Variants in NUP58 observed in about 807,000 individuals in gnomAD.
NUP58 encodes the protein nucleoporin p58/p45.
NUP58 carries 17 observed loss-of-function variants against 70.1 expected under a neutral mutation model. The ratio of observed to expected loss-of-function variants is 0.24; its 90% CI spans 0.17 to 0.36. The LOEUF is 0.36. Among genes scored for constraint, NUP58 ranks in the 10% least tolerant of loss-of-function variants. NUP58 has a pLI of 1.00. For missense variants in NUP58, 644 were observed against 701.5 expected (o/e 0.92, Z 0.93); for synonymous variants, 275 against 257.6 (o/e 1.07, Z -0.65).
intron 12 of NUP58, 80 bp from the exon 13 acceptor site, chr13:25,331,277 A>G (rs989430157): frequency 2.3e-6 from 3 of 1,312,796 alleles, no homozygotes; most frequent in Non-Finnish European, 3.3e-6. Context: ...GTCTTTGGTA[A>G]TTTATGGTTA....
At chr13:25,332,575 C>A in intron 13 of NUP58, 1 of 985,354 alleles carries the variant, frequency 1.0e-6, no homozygotes, top group Non-Finnish European at 1.2e-6. Context: ...ATTCAAGCTA[C>A]CTATACTAGG....
At chr13:25,333,500 A>C (rs2031679950) in intron 13 of NUP58, 1 of 985,296 alleles carries the variant, frequency 1.0e-6, no homozygotes, top group South Asian at 4.7e-5. Context: ...ATTAACCTAA[A>C]CAACCTTACA....
At chr13:25,328,153 C>G (rs900524737) in intron 12 of NUP58, among the ~76,000 whole-genome samples, 5 of 149,720 alleles carry the variant, frequency 3.3e-5, no homozygotes, top group African/African-American at 1.2e-4. Context: ...GAGCCGAGAT[C>G]ACACCACTGC....
chr13:25,306,125 G>C (rs1288836782), intron 1 of NUP58, among the ~76,000 whole-genome samples: 1 of 152,082 alleles, frequency 6.6e-6, no homozygotes, highest in Non-Finnish European at 1.5e-5. Context: ...AATTCTGCTG[G>C]CCGGGTGCGG....
In NUP58 at chr13:25,306,143, C is replaced by T. The variant is rs552001072; in HGVS notation, c.108-1663C>T. 3.9e-5 allele frequency among the ~76,000 whole-genome samples: 6 copies of T among 152,164 alleles called. No individual in the cohort carries two copies. The South Asian group carries it at 1.2e-3, about 32-fold the overall frequency. Reference sequence around the variant, plus strand: ...TCTGCTGGCCGGGTGCGGTGGCTCACGCCTGTAATCCCAGCACTTTGGGAG... The same window carrying T: ...TCTGCTGGCCGGGTGCGGTGGCTCATGCCTGTAATCCCAGCACTTTGGGAG... On this transcript the variant is annotated intron_variant, in intron 1 of 15. Coordinates refer to ENST00000381736, the MANE Select transcript of NUP58 (RefSeq NM_014089.4).
At chr13:25,329,282 C>A (rs1029100690) in intron 12 of NUP58, among the ~76,000 whole-genome samples, 6 of 152,108 alleles carry the variant, frequency 3.9e-5, no homozygotes, top group African/African-American at 1.4e-4. Flanking sequence ...TTATCAAAAC[C>A]CTGCTGAACT....
At chr13:25,323,568 T>C (rs970933024) in intron 9 of NUP58, among the ~76,000 whole-genome samples, 1 of 152,280 alleles carries the variant, frequency 6.6e-6, no homozygotes, top group African/African-American at 2.4e-5. Context: ...CTCTATAAAG[T>C]ATCAATCTTA....
At chr13:25,315,035 T>G (rs2030861209) in intron 5 of NUP58, among the ~76,000 whole-genome samples, 1 of 152,338 alleles carries the variant, frequency 6.6e-6, no homozygotes, top group Admixed American at 6.5e-5. Context: ...TGAAACTGCT[T>G]TTGTAGAGAG....
intron 12 of NUP58, among the ~76,000 whole-genome samples, chr13:25,329,898 T>C (rs1243972291): frequency 1.3e-5 from 2 of 152,152 alleles, no homozygotes; most frequent in African/African-American, 4.8e-5. Context: ...TCATGACTCA[T>C]TGCAGCCTCA....
intron 10 of NUP58, 118 bp from the exon 11 acceptor site, chr13:25,326,798 C>T: frequency 6.0e-6 from 3 of 503,278 alleles, no homozygotes; most frequent in South Asian, 4.0e-5. Context: ...CCTTCCTTTC[C>T]TTGGATAACC....
intron 7 of NUP58, 106 bp from the exon 8 acceptor site, chr13:25,320,424 T>C: frequency 4.3e-6 from 3 of 697,136 alleles, no homozygotes; most frequent in African/African-American, 1.9e-5. Context: ...TACGTGCTTT[T>C]TTGCTATATT....
At chr13:25,334,893 A>G (rs992607905) in intron 13 of NUP58, 2 of 984,874 alleles carry the variant, frequency 2.0e-6, no homozygotes, top group African/African-American at 3.5e-5. Context: ...TATCACTACA[A>G]ACTTAATTTT....
chr13:25,347,033 A>T (rs2032058629), downstream of NUP58, among the ~76,000 whole-genome samples: 1 of 152,122 alleles, frequency 6.6e-6, no homozygotes, highest in Non-Finnish European at 1.5e-5. Flanking sequence ...TGGGGATGGG[A>T]TCCAAGTTTA....
At chr13:25,310,904 G>A (rs572584833) in intron 3 of NUP58, among the ~76,000 whole-genome samples, 2 of 152,274 alleles carry the variant, frequency 1.3e-5, no homozygotes, top group South Asian at 4.1e-4. Context: ...GAATATTGTG[G>A]CACTGCTGGT....
chr13:25,321,160 G>A (rs2031168489), intron 9 of NUP58, 67 bp downstream of exon 9: 1 of 1,375,088 alleles, frequency 7.3e-7, no homozygotes, highest in East Asian at 2.4e-5. Context: ...ATGGAAATAA[G>A]GTGTTTTGTT....
At chr13:25,346,044 T>C (rs910260046), downstream of NUP58, among the ~76,000 whole-genome samples, 1 of 152,236 alleles carries the variant, frequency 6.6e-6, no homozygotes, top group Non-Finnish European at 1.5e-5. Context: ...ACCACCCCTC[T>C]TTTAATCCCC....
intron 1 of NUP58, among the ~76,000 whole-genome samples, chr13:25,305,904 T>G (rs949157120): frequency 9.2e-5 from 14 of 152,158 alleles, no homozygotes; most frequent in African/African-American, 3.4e-4. Context: ...CTCTTCTGGC[T>G]TGGAGTACAG....
chr13:25,347,910 C>T lies in NUP58; in HGVS notation n.322-1652C>T, dbSNP rs180883374. Among the ~76,000 whole-genome samples, 1,116 of 151,546 alleles carry T rather than the reference C, an allele frequency of 7.4e-3. 18 individuals are homozygous for T. The highest frequency in any genetic ancestry group is 0.026 in the African/African-American group (1,064 of 41,340). ...CCTTCTGGTGTCGAGAATTTCTACT[C>T]CTCTATACCATGTTTTACTTGCAGT... is the stretch of plus-strand genomic sequence containing the variant. On this transcript the variant is annotated intron_variant and non_coding_transcript_variant, in intron 3 of 3. Coordinates refer to the NUP58 transcript ENST00000477876.
rs562132125 is a variant in NUP58, at chr13:25,305,130, G to GTT, written c.108-2646_108-2645dup. On this transcript the variant is annotated intron_variant, in intron 1 of 15. Transcript: ENST00000381736. The stretch of plus-strand genomic sequence containing the variant: ...GACTAAATGTTTAAAGATCTGTGGG[G>GTT]TTTTTTTTTTTTTTTTTTTTTTTTT... 4.8e-3 allele frequency among the ~76,000 whole-genome samples: 282 copies of GTT among 58,534 alleles called. 19 individuals are homozygous for GTT. The highest frequency in any genetic ancestry group is 0.014 in the African/African-American group (263 of 19,476). The allele number at this position is 58,534 out of a possible 152,430, so 38.4% of individuals were successfully genotyped here.
Sources: gnomAD v4.1 joint callset for allele counts (sites outside exome capture counted in the v4.1 genomes callset) on GRCh38, gnomAD v4.1.1 for gene constraint, MANE v1.5 for transcripts, NCBI Gene and HGNC (gene_info 2026-07-23, HGNC 2026-07-21) for gene names.